The following ANAPC7 variants were observed in gnomAD, a reference collection of about 807,000 sequenced individuals.
The protein encoded by ANAPC7 is anaphase-promoting complex subunit 7.
Under a neutral mutation model 63.3 loss-of-function variants are expected in ANAPC7, and 25 were observed. That is an observed-to-expected ratio of 0.39 (90% confidence interval 0.29 to 0.55). ANAPC7 has a LOEUF of 0.55. Among genes scored for constraint, ANAPC7 ranks in the 20% least tolerant of loss-of-function variants. ANAPC7 has a pLI of 0.57. For missense variants in ANAPC7, 516 were observed against 691.7 expected (o/e 0.75, Z 2.85); for synonymous variants, 241 against 251.7 (o/e 0.96, Z 0.40).
chr12:110,394,621 C>T (rs975130469), intron 3 of ANAPC7, among the ~76,000 whole-genome samples: 2 of 140,260 alleles, frequency 1.4e-5, no homozygotes, highest in African/African-American at 5.4e-5. Flanking sequence ...GCAGTGAGCC[C>T]CCATGCTATT....
intron 1 of ANAPC7, 63 bp downstream of exon 1, chr12:110,403,464 C>T (rs953873609): frequency 2.2e-5 from 33 of 1,520,730 alleles, no homozygotes; most frequent in Non-Finnish European, 2.9e-5. Flanking sequence ...GTGCCCTGAG[C>T]CCCCGCTCCC....
intron 8 of ANAPC7, among the ~76,000 whole-genome samples, chr12:110,380,692 C>G (rs1473308247): frequency 6.9e-6 from 1 of 144,248 alleles, no homozygotes; most frequent in Non-Finnish European, 1.5e-5. Flanking sequence ...CGGTGGCTCA[C>G]GCCTGTAATC....
chr12:110,402,522 G>A (rs1055548969), intron 1 of ANAPC7, among the ~76,000 whole-genome samples: 1 of 151,790 alleles, frequency 6.6e-6, no homozygotes, highest in Non-Finnish European at 1.5e-5. Flanking sequence ...TTTAAGCAGA[G>A]ACGGGGTTAC....
chr12:110,403,479 C>G (rs953593189), intron 1 of ANAPC7, 48 bp downstream of exon 1: 1 of 1,540,002 alleles, frequency 6.5e-7, no homozygotes, highest in Non-Finnish European at 8.8e-7. Context: ...GCTCCCAGAC[C>G]GCCGCCGCTT....
intron 2 of ANAPC7, 98 bp from the exon 3 acceptor site, chr12:110,395,318 C>CT (rs34713439): frequency 0.039 from 38,646 of 979,930 alleles, no homozygotes; most frequent in Non-Finnish European, 0.044. Flanking sequence ...CCCAGCAATT[C>CT]TTTTTTTTTT....
chr12:110,381,953 A>G lies in ANAPC7; in HGVS notation c.936-5T>C, dbSNP rs750264243. 3.7e-5 allele frequency: 22 copies of G among 599,102 alleles called. No individual in the cohort carries two copies. The African/African-American group carries it at 6.7e-4, about 18-fold the overall frequency. 37.1% of individuals were successfully genotyped at this position (599,102 alleles called of 1,614,324 possible). A position where few individuals can be genotyped will look rare whatever the true frequency, so the allele number is the denominator to read the frequency against. On this transcript the variant is annotated splice_polypyrimidine_tract_variant and splice_region_variant and intron_variant, in intron 7 of 10. Transcript: ENST00000455511. ...TTGCTATAGAAGCTGTGACAGCTGG[A>G]GAAAAAAAAAAAAAAAAAAACACAA...
intron 8 of ANAPC7, among the ~76,000 whole-genome samples, chr12:110,380,432 C>G (rs1408382279): frequency 6.6e-6 from 1 of 151,486 alleles, no homozygotes; most frequent in Admixed American, 6.6e-5. Flanking sequence ...GCAGGCAGCT[C>G]ACGAGGTCAG....
intron 7 of ANAPC7, 143 bp from the exon 8 acceptor site, chr12:110,382,091 A>C (rs1881910340): frequency 1.2e-6 from 1 of 823,738 alleles, no homozygotes; most frequent in African/African-American, 1.8e-5. Context: ...TTAACCTAAG[A>C]TATTAGTAGA....
At chr12:110,389,286 TA>T (rs1225703047) in intron 3 of ANAPC7, among the ~76,000 whole-genome samples, 4 of 152,106 alleles carry the variant, frequency 2.6e-5, no homozygotes, top group Admixed American at 6.6e-5. Context: ...TTCTTGATCT[TA>T]AAACAGAAGA....
intron 1 of ANAPC7, among the ~76,000 whole-genome samples, chr12:110,397,876 C>G (rs1157719472): frequency 6.6e-6 from 1 of 151,062 alleles, no homozygotes; most frequent in African/African-American, 2.4e-5. Flanking sequence ...GCCTGGGCGA[C>G]AAGAGTGAAA....
intron 5 of ANAPC7, chr12:110,387,520 A>G (rs1592912673): frequency 6.5e-6 from 3 of 463,930 alleles, no homozygotes; most frequent in Middle Eastern, 6.2e-4. Flanking sequence ...GCAGGCACAG[A>G]GCTAAACTCA....
intron 5 of ANAPC7, chr12:110,387,335 G>GAGAGAGAGA (rs1566269122): frequency 2.5e-3 from 55 of 22,230 alleles, no homozygotes; most frequent in East Asian, 3.6e-3. Context: ...GAGAGAGAGA[G>GAGAGAGAGA]GCAGAGAGAG....
chr12:110,398,177 C>T (rs1347777496), intron 1 of ANAPC7, among the ~76,000 whole-genome samples: 1 of 151,942 alleles, frequency 6.6e-6, no homozygotes, highest in African/African-American at 2.4e-5. Flanking sequence ...ACCCAGGAGG[C>T]AGAGGTTGGG....
intron 10 of ANAPC7, 101 bp downstream of exon 10, chr12:110,375,965 T>C (rs998110738): frequency 7.1e-7 from 1 of 1,416,932 alleles, no homozygotes; most frequent in Non-Finnish European, 9.3e-7. Context: ...CTTTCAACCA[T>C]GGACACAAAG....
intron 4 of ANAPC7, 95 bp downstream of exon 4, chr12:110,388,416 TA>T: frequency 3.6e-5 from 33 of 918,842 alleles, no homozygotes; most frequent in Admixed American, 5.1e-5. Flanking sequence ...GGGGAACTTT[TA>T]AAAAAAATAA....
intron 1 of ANAPC7, among the ~76,000 whole-genome samples, chr12:110,401,847 G>A (rs942928589): frequency 2.0e-5 from 3 of 151,226 alleles, no homozygotes; most frequent in Non-Finnish European, 4.4e-5. Flanking sequence ...GGTGGCGGGC[G>A]CCTGTAGTCC....
At chr12:110,382,184 T>C (rs1434959102) in intron 7 of ANAPC7, among the ~76,000 whole-genome samples, 1 of 151,446 alleles carries the variant, frequency 6.6e-6, no homozygotes, top group Non-Finnish European at 1.5e-5. Flanking sequence ...AAAAAGAACC[T>C]ATGATCTGGA....
intron 1 of ANAPC7, among the ~76,000 whole-genome samples, chr12:110,402,044 G>A (rs1053326206): frequency 6.6e-6 from 1 of 151,316 alleles, no homozygotes; most frequent in Non-Finnish European, 1.5e-5. Flanking sequence ...GGCGTGTGGC[G>A]CTCGCCTGTA....
rs139455135 is a variant in ANAPC7 at position 110,379,485 on chromosome 12, T to C, written c.1133-1868A>G. On this transcript the variant is annotated intron_variant, in intron 8 of 10. Transcript: ENST00000455511. ...ACCGCATCCCTGAGCTCTGGTGAAA[T>C]AGGCATGCAGTATAATGGAATTAAC... Among the ~76,000 whole-genome samples, 50 of 152,290 alleles carry C rather than the reference T, an allele frequency of 3.3e-4. 1 individual carries two copies. The highest frequency in any genetic ancestry group is 1.0e-3 in the African/African-American group (43 of 41,558).
Sources: allele counts gnomAD v4.1 joint callset (sites outside exome capture counted in the v4.1 genomes callset), GRCh38; gene constraint gnomAD v4.1.1; transcripts MANE v1.5; gene names NCBI Gene and HGNC (gene_info 2026-07-23, HGNC 2026-07-21).